Variants in LRRIQ4 observed in about 807,000 individuals in gnomAD.
LRRIQ4 encodes the protein leucine-rich repeat and IQ domain-containing protein 4.
A neutral mutation model predicts 40.1 loss-of-function variants in LRRIQ4; 21 were observed. That is an observed-to-expected ratio of 0.52 (90% CI 0.37 to 0.75). LRRIQ4 has a LOEUF of 0.75. Among genes scored for constraint, LRRIQ4 ranks in the 30% least tolerant of loss-of-function variants. The pLI is 0.00. For synonymous variants in LRRIQ4, 277 were observed against 277.1 expected (o/e 1.00, Z 0.00); for missense variants, 655 against 660.0 (o/e 0.99, Z 0.08).
chr3:169,815,055 A>C (rs1779735911), intron 1 of LRRIQ4, among the ~76,000 whole-genome samples: 1 of 152,150 alleles, frequency 6.6e-6, no homozygotes, highest in African/African-American at 2.4e-5. Context: ...ATATAATTTT[A>C]ATTTAGGTAA....
chr3:169,837,504 T>G lies in LRRIQ4; in HGVS notation c.1556T>G (p.Met519Arg). 1 of 1,608,956 alleles carries G rather than the reference T, an allele frequency of 6.2e-7. No individual in the cohort carries two copies. The highest frequency in any genetic ancestry group is 8.5e-7 in the Non-Finnish European group (1 of 1,178,548). ...TKIQAWWRGT[M>R]VQRGFGKFGE... is the part of the protein sequence containing the mutation. ...ATTCAGGCATGGTGGCGTGGAACAA[T>G]GGTACAGAGAGGATTTGGGAAATTC... The change falls in exon 6 of 6, where the codon ATG becomes AGG. Residue 519 changes from methionine to arginine, a missense_variant. Transcript: ENST00000340806.
intron 3 of LRRIQ4, 82 bp from the exon 4 acceptor site, chr3:169,830,400 AAAAAAAAAAT>A: frequency 1.9e-6 from 1 of 514,202 alleles, no homozygotes; most frequent in South Asian, 7.9e-5. Flanking sequence ...AAAAAAAAAA[AAAAAAAAAAT>A]GCATGAGCAC....
chr3:169,829,918 C>T (rs1348144836), intron 3 of LRRIQ4, among the ~76,000 whole-genome samples: 2 of 152,236 alleles, frequency 1.3e-5, no homozygotes, highest in African/African-American at 4.8e-5. Flanking sequence ...TCCTAATTCT[C>T]CATTCCTTTG....
chr3:169,823,578 C>T (rs1779967919), intron 2 of LRRIQ4, among the ~76,000 whole-genome samples: 1 of 152,146 alleles, frequency 6.6e-6, no homozygotes, highest in Non-Finnish European at 1.5e-5. Context: ...GAACTCCTGA[C>T]CTTGTGTTCC....
chr3:169,829,026 T>G (rs932511505), intron 3 of LRRIQ4, 94 bp downstream of exon 3: 1 of 1,125,426 alleles, frequency 8.9e-7, no homozygotes, highest in African/African-American at 1.6e-5. Context: ...ACAGGCTGGA[T>G]GTAGAATCAT....
intron 1 of LRRIQ4, among the ~76,000 whole-genome samples, chr3:169,821,143 A>G (rs913808660): frequency 6.6e-6 from 1 of 152,204 alleles, no homozygotes; most frequent in African/African-American, 2.4e-5. Flanking sequence ...CATCTCTAGA[A>G]TATAGTGTTT....
intron 1 of LRRIQ4, among the ~76,000 whole-genome samples, chr3:169,815,752 C>T (rs1342948041): frequency 6.6e-6 from 1 of 152,178 alleles, no homozygotes; most frequent in Non-Finnish European, 1.5e-5. Flanking sequence ...ATTTCCTATT[C>T]AGTATGATAC....
chr3:169,828,436 G>A (rs939366922), intron 2 of LRRIQ4, among the ~76,000 whole-genome samples: 7 of 152,204 alleles, frequency 4.6e-5, no homozygotes, highest in Admixed American at 2.0e-4. Flanking sequence ...GTTTCGCCAT[G>A]TTGGCCAGGC....
Position 169,822,030 on chromosome 3 carries a change from T to G in LRRIQ4, c.109T>G (p.Leu37Val). 6.2e-7 allele frequency: 1 copy of G among 1,602,296 alleles called. No homozygotes were observed. The highest frequency in any genetic ancestry group is 8.5e-7 in the Non-Finnish European group (1 of 1,176,394). ...TFFIDASNQS[L>V]TAIPLEIFTF... ...TTTCATTGATGCCTCTAATCAGAGC[T>G]TGACTGCCATTCCTTTGGAGATCTT... The change falls in exon 2 of 6, where the codon TTG becomes GTG. Residue 37 changes from leucine (L) to valine (V), a missense_variant. Physicochemically the swap from Leu to Val is conservative, Grantham distance 32. Coordinates refer to ENST00000340806, the MANE Select transcript of LRRIQ4 (RefSeq NM_001080460.3).
chr3:169,814,890 A>G (rs1298976411), intron 1 of LRRIQ4, among the ~76,000 whole-genome samples: 1 of 152,182 alleles, frequency 6.6e-6, no homozygotes, highest in African/African-American at 2.4e-5. Flanking sequence ...TATTGAAGAA[A>G]CTATCTTTTC....
chr3:169,814,465 ACTAGGGT>A (rs1779718104), intron 1 of LRRIQ4, among the ~76,000 whole-genome samples: 1 of 149,834 alleles, frequency 6.7e-6, no homozygotes, highest in African/African-American at 2.5e-5. Context: ...GTCTGTGCCT[ACTAGGGT>A]CTTGGGGTGT....
At chr3:169,814,479 GTGTTTGTT>G (rs140306978) in intron 1 of LRRIQ4, among the ~76,000 whole-genome samples, 1 of 147,892 alleles carries the variant, frequency 6.8e-6, no homozygotes, top group Non-Finnish European at 1.5e-5. Context: ...GGGTCTTGGG[GTGTTTGTT>G]TGTTTGTTTG....
chr3:169,836,552 C>A (rs1780306759), intron 5 of LRRIQ4, among the ~76,000 whole-genome samples: 1 of 152,096 alleles, frequency 6.6e-6, no homozygotes, highest in South Asian at 2.1e-4. Context: ...CTTATAAGGC[C>A]ACTAATCTCA....
intron 1 of LRRIQ4, among the ~76,000 whole-genome samples, chr3:169,816,317 A>G (rs1171633490): frequency 1.3e-5 from 2 of 152,154 alleles, no homozygotes; most frequent in Non-Finnish European, 2.9e-5. Context: ...GAGACTTTTT[A>G]TTATGACTTT....
At chr3:169,816,158 G>A (rs1336112418) in intron 1 of LRRIQ4, among the ~76,000 whole-genome samples, 1 of 152,122 alleles carries the variant, frequency 6.6e-6, no homozygotes, top group African/African-American at 2.4e-5. Context: ...TGGTGTCAGG[G>A]TAATACTGGC....
chr3:169,833,270 C>T, intron 5 of LRRIQ4, 87 bp downstream of exon 5: 1 of 1,099,558 alleles, frequency 9.1e-7, no homozygotes, highest in Non-Finnish European at 1.3e-6. Context: ...GGAGCAACTC[C>T]TTACACCCTT....
rs368124313 is a variant in LRRIQ4, at chr3:169,828,786, A to G, written c.1048A>G (p.Lys350Glu). ...ACCTTCAGAATTGGGCTCACTTTCA[A>G]AACTGAAGATACTTGGACTAACAGG... ...QLPSELGSLSKLKILGLTGNE... is the reference protein window; with the variant it reads ...QLPSELGSLSELKILGLTGNE... The change falls in exon 3 of 6, where the codon AAA (lysine) becomes GAA (glutamate). Residue 350 changes from lysine (K) to glutamate (E), a missense_variant. Transcript: ENST00000340806. 7.1e-5 allele frequency: 115 copies of G among 1,612,856 alleles called. No individual in the cohort carries two copies. The highest frequency in any genetic ancestry group is 6.0e-4 in the Admixed American group (36 of 59,684).
chr3:169,834,709 C>T (rs911945468), intron 5 of LRRIQ4, among the ~76,000 whole-genome samples: 5 of 152,116 alleles, frequency 3.3e-5, no homozygotes, highest in Non-Finnish European at 7.4e-5. Flanking sequence ...TATTCCTTTT[C>T]TTCTTAAACA....
intron 3 of LRRIQ4, among the ~76,000 whole-genome samples, chr3:169,829,746 C>T (rs899551093): frequency 4.6e-5 from 7 of 152,196 alleles, no homozygotes; most frequent in East Asian, 1.9e-4. Flanking sequence ...GGTGATCCAC[C>T]TGCCTCGGCC....
Sources: gnomAD v4.1 joint callset for allele counts (sites outside exome capture counted in the v4.1 genomes callset) on GRCh38, gnomAD v4.1.1 for gene constraint, MANE v1.5 for transcripts, NCBI Gene and HGNC (gene_info 2026-07-23, HGNC 2026-07-21) for gene names.